SSU72L6: variants seen among roughly 807,000 people sequenced by gnomAD.
SSU72L6 encodes RNA polymerase II subunit A C-terminal domain phosphatase SSU72 like protein 6.
chr7:124,477,074 T>C, the SSU72L6 span: 1 of 601,512 alleles, frequency 1.7e-6, no homozygotes. Context: ...GTATTACTTT[T>C]GTACATATCA....
At chr7:124,476,431 G>C in the SSU72L6 span, 1 of 779,868 alleles carries the variant, frequency 1.3e-6, no homozygotes, top group Non-Finnish European at 2.4e-6. Context: ...CAGGAGCATG[G>C]AGGCCCACAG....
the SSU72L6 span, chr7:124,476,880 C>G: frequency 1.3e-6 from 1 of 765,300 alleles, no homozygotes; most frequent in South Asian, 1.3e-5. Flanking sequence ...ACATGGAAGA[C>G]AGTCTGGAGG....
the SSU72L6 span, chr7:124,476,586 T>C: frequency 1.4e-4 from 108 of 780,672 alleles, no homozygotes; most frequent in South Asian, 4.7e-4. Flanking sequence ...TCAGGAAAGA[T>C]AGAGAATGCT....
chr7:124,476,961 T>C, the SSU72L6 span: 1 of 737,540 alleles, frequency 1.4e-6, no homozygotes, highest in Non-Finnish European at 2.5e-6. Flanking sequence ...ACTGAAGATC[T>C]GGGCTGGCTT....
chr7:124,476,572 C>T, the SSU72L6 span: 1 of 780,664 alleles, frequency 1.3e-6, no homozygotes, highest in Non-Finnish European at 2.4e-6. Context: ...GTACAATGAC[C>T]TCCTCAGGAA....
the SSU72L6 span, chr7:124,477,095 G>A: frequency 3.4e-6 from 2 of 592,586 alleles, no homozygotes; most frequent in East Asian, 2.8e-5. Context: ...CCTGGAAAGA[G>A]ACTATTACCA....
chr7:124,476,873 TG>T, the SSU72L6 span: 2 of 765,548 alleles, frequency 2.6e-6, no homozygotes, highest in Non-Finnish European at 4.8e-6. Context: ...TCCGACGACA[TG>T]GAAGACAGTC....
the SSU72L6 span, chr7:124,476,941 G>C: frequency 1.3e-6 from 1 of 755,608 alleles, no homozygotes; most frequent in Non-Finnish European, 2.4e-6. Context: ...TCTTCACACC[G>C]TCTGCTTCTA....
the SSU72L6 span, chr7:124,477,067 T>TA: frequency 1.6e-6 from 1 of 607,280 alleles, no homozygotes; most frequent in Non-Finnish European, 2.9e-6. Flanking sequence ...GCTGTTTGTA[T>TA]TACTTTTGTA....
the SSU72L6 span, among the ~76,000 whole-genome samples, chr7:124,477,607 A>G: frequency 2.0e-5 from 3 of 151,424 alleles, no homozygotes; most frequent in African/African-American, 7.3e-5. Flanking sequence ...ATCTACTCAA[A>G]TAATAGGTCA....
At chr7:124,476,525 C>T in the SSU72L6 span, 3 of 780,704 alleles carry the variant, frequency 3.8e-6, no homozygotes, top group Non-Finnish European at 7.2e-6. Context: ...CCCAATCATC[C>T]TGTAGTTTAC....
At chr7:124,477,624 T>A in the SSU72L6 span, among the ~76,000 whole-genome samples, 27 of 146,780 alleles carry the variant, frequency 1.8e-4, no homozygotes, top group Non-Finnish European at 3.4e-4. Context: ...GTCATCAAAT[T>A]AAATGAAATA....
the SSU72L6 span, chr7:124,476,880 C>T: frequency 2.6e-6 from 2 of 765,182 alleles, no homozygotes; most frequent in Admixed American, 1.7e-5. Flanking sequence ...ACATGGAAGA[C>T]AGTCTGGAGG....
chr7:124,476,504 C>T, the SSU72L6 span: 2 of 780,616 alleles, frequency 2.6e-6, no homozygotes, highest in Non-Finnish European at 4.8e-6. Context: ...GTGAGGCTAC[C>T]AGGACGAAGA....
At chr7:124,476,444 T>A in the SSU72L6 span, 1 of 780,210 alleles carries the variant, frequency 1.3e-6, no homozygotes, top group Non-Finnish European at 2.4e-6. Context: ...GCCCACAGCA[T>A]CCTCAGGAGA....
chr7:124,477,212 T>C, the SSU72L6 span, among the ~76,000 whole-genome samples: 2 of 152,238 alleles, frequency 1.3e-5, no homozygotes, highest in Non-Finnish European at 2.9e-5. Flanking sequence ...TTAATGCTTA[T>C]ATTATTCTAC....
chr7:124,476,742 T>C, the SSU72L6 span: 19 of 780,538 alleles, frequency 2.4e-5, no homozygotes, highest in East Asian at 4.4e-4. Context: ...AAGATCTGTG[T>C]TCCAGAGAAC....
At chr7:124,477,034 T>G in the SSU72L6 span, 1 of 630,132 alleles carries the variant, frequency 1.6e-6, no homozygotes, top group African/African-American at 1.8e-5. Flanking sequence ...GTGAGAAGTA[T>G]CTACAAAGAC....
At chr7:124,476,546 C>A in the SSU72L6 span, 2 of 780,666 alleles carry the variant, frequency 2.6e-6, no homozygotes, top group South Asian at 2.7e-5. Context: ...GATTTTGCAA[C>A]AACATATAAG....
Sources: gnomAD v4.1 joint callset for allele counts (sites outside exome capture counted in the v4.1 genomes callset) on GRCh38, gnomAD v4.1.1 for gene constraint, MANE v1.5 for transcripts, NCBI Gene and HGNC (gene_info 2026-07-23, HGNC 2026-07-21) for gene names.